Variants in HCN1 observed in about 807,000 individuals in gnomAD.
The protein encoded by HCN1 is potassium/sodium hyperpolarization-activated cyclic nucleotide-gated channel 1.
A neutral mutation model predicts 78.9 loss-of-function variants in HCN1; 13 were observed. The observed-to-expected ratio is 0.16, with a 90% CI of 0.11 to 0.26. The LOEUF (loss-of-function observed/expected upper bound fraction) is 0.26. Among genes scored for constraint, HCN1 ranks in the 10% least tolerant of loss-of-function variants. The pLI is 1.00. For synonymous variants in HCN1, 552 were observed against 455.5 expected (o/e 1.21, Z -2.70); for missense variants, 810 against 1,154.3 (o/e 0.70, Z 4.32).
At chr5:45,333,449 C>T (rs1166178339) in intron 5 of HCN1, among the ~76,000 whole-genome samples, 1 of 151,370 alleles carries the variant, frequency 6.6e-6, no homozygotes, top group African/African-American at 2.4e-5. Context: ...TGTCTTTTTA[C>T]TTTGTTGTTT....
intron 3 of HCN1, among the ~76,000 whole-genome samples, chr5:45,445,143 G>A (rs1740761245): frequency 6.6e-6 from 1 of 152,220 alleles, no homozygotes; most frequent in African/African-American, 2.4e-5. Context: ...AAAGAAAGGG[G>A]TGACAGATGG....
chr5:45,272,568 A>G (rs1038914507), intron 6 of HCN1, among the ~76,000 whole-genome samples: 1 of 152,082 alleles, frequency 6.6e-6, no homozygotes, highest in African/African-American at 2.4e-5. Flanking sequence ...ATTACAGTGA[A>G]TAAACATAAA....
At chr5:45,457,074 G>A (rs79841044) in intron 3 of HCN1, among the ~76,000 whole-genome samples, 14,640 of 151,884 alleles carry the variant, frequency 0.096, 951 homozygotes, top group Middle Eastern at 0.17. Context: ...ATATTTATAA[G>A]ATTGCTAGTA....
chr5:45,637,172 T>C (rs984298886), intron 2 of HCN1, among the ~76,000 whole-genome samples: 3 of 152,092 alleles, frequency 2.0e-5, no homozygotes, highest in Non-Finnish European at 4.4e-5. Flanking sequence ...GTCATATAGT[T>C]TCACACTTAG....
At chr5:45,541,125 A>T (rs1408398919) in intron 2 of HCN1, among the ~76,000 whole-genome samples, 1 of 152,208 alleles carries the variant, frequency 6.6e-6, no homozygotes, top group Non-Finnish European at 1.5e-5. Context: ...TTACAAACTG[A>T]AAAAGAATTT....
At chr5:45,680,801 T>C (rs1739688119) in intron 1 of HCN1, among the ~76,000 whole-genome samples, 1 of 152,154 alleles carries the variant, frequency 6.6e-6, no homozygotes, top group Non-Finnish European at 1.5e-5. Context: ...GCTTTTCTAA[T>C]TATATTATCT....
intron 5 of HCN1, among the ~76,000 whole-genome samples, chr5:45,313,176 GGAATGATCA>G (rs1484932031): frequency 2.6e-5 from 4 of 152,118 alleles, no homozygotes; most frequent in African/African-American, 9.7e-5. Flanking sequence ...AGCTTCCAGA[GGAATGATCA>G]GGCAGCAACA....
chr5:45,566,767 CACTCTGGG>C (rs1405932181), intron 2 of HCN1, among the ~76,000 whole-genome samples: 1 of 152,192 alleles, frequency 6.6e-6, no homozygotes, highest in African/African-American at 2.4e-5. Context: ...AGCCCTTCTG[CACTCTGGG>C]ACGGGTTCCT....
intron 4 of HCN1, among the ~76,000 whole-genome samples, chr5:45,386,949 T>A (rs1431487730): frequency 6.6e-6 from 1 of 152,040 alleles, no homozygotes; most frequent in Non-Finnish European, 1.5e-5. Context: ...CTTCAGTAAG[T>A]GGGAGACAGC....
At chr5:45,597,966 C>T (rs574474792) in intron 2 of HCN1, among the ~76,000 whole-genome samples, 4 of 152,200 alleles carry the variant, frequency 2.6e-5, no homozygotes, top group Admixed American at 6.5e-5. Context: ...GCAGAATCAA[C>T]ATCGTGAAAA....
intron 3 of HCN1, among the ~76,000 whole-genome samples, chr5:45,433,328 T>C (rs1288722947): frequency 6.6e-6 from 1 of 152,144 alleles, no homozygotes; most frequent in African/African-American, 2.4e-5. Context: ...CTGAAGTTTA[T>C]GTTGTTATTA....
At position 45,262,605 on chromosome 5, in the gene HCN1, T is replaced by C. The variant is rs1407905128; in HGVS notation, c.1989A>G (p.Gln663=). The C allele has an allele frequency of 6.2e-7, 1 of 1,613,512 alleles. No individual in the cohort carries two copies. The highest frequency in any genetic ancestry group is 1.3e-5 in the African/African-American group (1 of 74,766). ...TTTPTSRMRT[Q]SPPVYTATSL... is the part of the protein sequence containing the mutation. ...TGGTCGCTGTGTACACCGGTGGAGA[T>C]TGTGTCCTCATGCGGGAGGTCGGGG... Residue 663 remains glutamine (Q), a synonymous_variant, in exon 8 of 8, where the codon CAA becomes CAG. Transcript: ENST00000303230.
At chr5:45,283,551 C>A (rs145063212) in intron 6 of HCN1, among the ~76,000 whole-genome samples, 3 of 152,066 alleles carry the variant, frequency 2.0e-5, no homozygotes, top group African/African-American at 7.2e-5. Flanking sequence ...AGCTCAATAT[C>A]ATTGATCATT....
chr5:45,445,407 C>A (rs900136981), intron 3 of HCN1, among the ~76,000 whole-genome samples: 8 of 152,194 alleles, frequency 5.3e-5, no homozygotes, highest in African/African-American at 1.9e-4. Flanking sequence ...TGGAGCCCAC[C>A]ACAGCTCAAG....
chr5:45,514,698 T>G (rs1309703649), intron 2 of HCN1, among the ~76,000 whole-genome samples: 1 of 152,066 alleles, frequency 6.6e-6, no homozygotes, highest in East Asian at 1.9e-4. Context: ...TCTCTCAGAA[T>G]ACACCTACAG....
At position 45,497,964 on chromosome 5, in the gene HCN1, C is replaced by T. The variant is rs1384244173; in HGVS notation, c.850-35957G>A. 5.9e-5 allele frequency among the ~76,000 whole-genome samples: 9 copies of T among 152,204 alleles called. No individual in the cohort carries two copies. The South Asian group carries it at 1.4e-3, about 25-fold the overall frequency. On this transcript the variant is annotated intron_variant, in intron 2 of 7. Coordinates refer to ENST00000303230, the MANE Select transcript of HCN1 (RefSeq NM_021072.4). Reference sequence around the variant, plus strand: ...TTCTGCCGAGAGATCCGCTGTTAGTCTGATGGGCTTCCCTTTGAGGGTAAC... The same window carrying T: ...TTCTGCCGAGAGATCCGCTGTTAGTTTGATGGGCTTCCCTTTGAGGGTAAC...
chr5:45,351,782 A>G (rs1038068618), intron 5 of HCN1, among the ~76,000 whole-genome samples: 4 of 150,564 alleles, frequency 2.7e-5, no homozygotes, highest in East Asian at 2.0e-4. Context: ...AAAAATGCTC[A>G]TCATCACTGG....
intron 2 of HCN1, among the ~76,000 whole-genome samples, chr5:45,523,881 A>T (rs529962440): frequency 1.3e-5 from 2 of 151,976 alleles, no homozygotes; most frequent in African/African-American, 4.8e-5. Context: ...CCCATTTGTC[A>T]ATTTTGGCTT....
intron 3 of HCN1, among the ~76,000 whole-genome samples, chr5:45,436,567 G>T (rs960765385): frequency 2.6e-5 from 4 of 152,118 alleles, no homozygotes. Flanking sequence ...AACTCCAAAA[G>T]AAAATCACTT....
Sources: allele counts gnomAD v4.1 joint callset (sites outside exome capture counted in the v4.1 genomes callset), GRCh38; gene constraint gnomAD v4.1.1; transcripts MANE v1.5; gene names NCBI Gene and HGNC (gene_info 2026-07-23, HGNC 2026-07-21).